ADAM28: variants seen among roughly 807,000 people sequenced by gnomAD.
The protein encoded by ADAM28 is ADAM metallopeptidase domain 28, also known as disintegrin and metalloproteinase domain-containing protein 28.
ADAM28 carries 105 observed loss-of-function variants against 101.2 expected under a neutral mutation model. That is an observed-to-expected ratio of 1.04 (90% CI 0.89 to 1.22). The LOEUF (loss-of-function observed/expected upper bound fraction) is 1.22. Ranked by LOEUF, ADAM28 falls within the 50% of genes most tolerant of loss-of-function variation. The pLI is 0.00. For synonymous variants in ADAM28, 322 were observed against 310.6 expected, an observed-to-expected ratio of 1.04 and a Z score of -0.39; for missense variants, 1,028 against 945.4, an observed-to-expected ratio of 1.09 and a Z score of -1.15.
At chr8:24,353,607 A>G (rs990641925) in intron 21 of ADAM28, among the ~76,000 whole-genome samples, 163 bp from the exon 22 acceptor site, 1 of 152,146 alleles carries the variant, frequency 6.6e-6, no homozygotes, top group Non-Finnish European at 1.5e-5. Flanking sequence ...ACGAATATTC[A>G]TTGGTTGAGT....
At chr8:24,316,529 AAT>A (rs1197171124) in intron 6 of ADAM28, among the ~76,000 whole-genome samples, 1 of 152,018 alleles carries the variant, frequency 6.6e-6, no homozygotes, top group East Asian at 1.9e-4. Context: ...GAAACTCTAA[AAT>A]ATGTCTCAGC....
intron 4 of ADAM28, among the ~76,000 whole-genome samples, chr8:24,310,879 A>C (rs955950589): frequency 1.3e-5 from 2 of 152,226 alleles, no homozygotes; most frequent in Admixed American, 6.5e-5. Flanking sequence ...ATTTTGCTCC[A>C]AATGGAGGCA....
At chr8:24,341,174 A>T (rs146454895) in intron 15 of ADAM28, 17 of 155,172 alleles carry the variant, frequency 1.1e-4, no homozygotes, top group Non-Finnish European at 2.3e-4. Context: ...TTTATCCTCT[A>T]GCTCCATCAT....
chr8:24,336,420 A>G (rs1814065286), intron 14 of ADAM28, among the ~76,000 whole-genome samples: 1 of 151,556 alleles, frequency 6.6e-6, no homozygotes, highest in Non-Finnish European at 1.5e-5. Flanking sequence ...CGTCTCTACT[A>G]AAAATACAAA....
chr8:24,356,716 G>T lies in ADAM28; in HGVS notation c.*2312G>T, dbSNP rs1348156297. 6.6e-6 allele frequency: 1 copy of T among 152,090 alleles called. No individual in the cohort carries two copies. The highest frequency in any genetic ancestry group is 1.5e-5 in the Non-Finnish European group (1 of 68,018). 9.4% of individuals were successfully genotyped at this position (152,090 alleles called of 1,614,324 possible). A position where few individuals can be genotyped will look rare whatever the true frequency, so the allele number is the denominator to read the frequency against. On this transcript the variant is annotated 3_prime_UTR_variant, in exon 23 of 23. Transcript: ENST00000265769. ...TTTGACATTTAACTACCTCAGATATGCCACCAAACCTGTTTTCATCATTAG... is the reference window on the plus strand; with the variant it reads ...TTTGACATTTAACTACCTCAGATATTCCACCAAACCTGTTTTCATCATTAG...
intron 2 of ADAM28, 54 bp from the exon 3 acceptor site, chr8:24,309,840 A>C: frequency 7.8e-7 from 1 of 1,283,696 alleles, no homozygotes; most frequent in Non-Finnish European, 1.1e-6. Flanking sequence ...TAGAAATATA[A>C]TAGTCAAATG....
intron 14 of ADAM28, among the ~76,000 whole-genome samples, chr8:24,338,066 T>A (rs1189215835): frequency 6.6e-6 from 1 of 152,204 alleles, no homozygotes; most frequent in Non-Finnish European, 1.5e-5. Context: ...CAAGTTAGCA[T>A]CATCTTTACG....
chr8:24,326,605 G>A lies in ADAM28; in HGVS notation c.942G>A (p.Met314Ile). ...TGGGTCTTGCATTTATGTCTACAATGTGTTCTCCTTATTCTGTTGGCGTTG... is the reference window on the plus strand; with the variant it reads ...TGGGTCTTGCATTTATGTCTACAATATGTTCTCCTTATTCTGTTGGCGTTG... ...TTVGLAFMST[M>I]CSPYSVGVVQ... Residue 314 changes from methionine (M) to isoleucine (I), a missense_variant, in exon 10 of 23, where the codon ATG (methionine) becomes ATA (isoleucine). Transcript: ENST00000265769. 6.2e-7 allele frequency: 1 copy of A among 1,612,098 alleles called. No individual in the cohort carries two copies. The highest frequency in any genetic ancestry group is 8.5e-7 in the Non-Finnish European group (1 of 1,178,734).
At chr8:24,301,645 G>A (rs1402573930) in intron 2 of ADAM28, among the ~76,000 whole-genome samples, 1 of 152,152 alleles carries the variant, frequency 6.6e-6, no homozygotes, top group Non-Finnish European at 1.5e-5. Context: ...TTCTAGCTAG[G>A]ATTCAAACCT....
intron 10 of ADAM28, 76 bp downstream of exon 10, chr8:24,326,711 C>T: frequency 7.2e-7 from 1 of 1,396,648 alleles, no homozygotes; most frequent in South Asian, 1.3e-5. Flanking sequence ...TAGAGAAGAT[C>T]ATGATAGTTT....
chr8:24,344,349 T>C (rs1347384207), intron 18 of ADAM28, among the ~76,000 whole-genome samples: 1 of 152,170 alleles, frequency 6.6e-6, no homozygotes, highest in Non-Finnish European at 1.5e-5. Flanking sequence ...TCTGATATAG[T>C]GTAGGTATCT....
intron 15 of ADAM28, among the ~76,000 whole-genome samples, chr8:24,340,291 C>A: frequency 6.6e-6 from 1 of 152,048 alleles, no homozygotes; most frequent in Non-Finnish European, 1.5e-5. Context: ...CTATTGGACA[C>A]GAATTTCTCT....
At chr8:24,312,330 AT>A (rs1810575449) in intron 5 of ADAM28, among the ~76,000 whole-genome samples, 2 of 152,142 alleles carry the variant, frequency 1.3e-5, no homozygotes, top group South Asian at 4.1e-4. Flanking sequence ...GTATAATTAG[AT>A]AATCACTTGC....
chr8:24,342,681 C>A (rs968930777), intron 16 of ADAM28, among the ~76,000 whole-genome samples: 6 of 151,972 alleles, frequency 3.9e-5, no homozygotes, highest in East Asian at 3.9e-4. Flanking sequence ...AGTGCTGAAG[C>A]CTTTAAAGAC....
intron 4 of ADAM28, 40 bp downstream of exon 4, chr8:24,310,281 C>T: frequency 6.4e-7 from 1 of 1,574,352 alleles, no homozygotes. Context: ...TAGGGTTTTA[C>T]CCACAGACCT....
chr8:24,326,614 T>C lies in ADAM28; in HGVS notation c.951T>C (p.Pro317=), dbSNP rs1373618517. ...CATTTATGTCTACAATGTGTTCTCC[T>C]TATTCTGTTGGCGTTGTTCAGGTCT... ...GLAFMSTMCS[P]YSVGVVQDHS... The change falls in exon 10 of 23, where the codon CCT becomes CCC. Residue 317 remains proline (P), a synonymous_variant. Transcript: ENST00000265769. The C allele has an allele frequency of 1.2e-6, 2 of 1,612,104 alleles. No homozygotes were observed. Among genetic ancestry groups the C allele is most frequent in the Non-Finnish European group, 1.7e-6 (2 of 1,178,696 alleles).
intron 9 of ADAM28, among the ~76,000 whole-genome samples, chr8:24,325,891 A>AAAAAAAAAAAC (rs1812539205): frequency 6.9e-6 from 1 of 144,212 alleles, no homozygotes; most frequent in Non-Finnish European, 1.5e-5. Context: ...AAAAAAAAAA[A>AAAAAAAAAAAC]AAAAAAAAAC....
chr8:24,333,946 C>T (rs1037591791), intron 13 of ADAM28, among the ~76,000 whole-genome samples: 1 of 152,116 alleles, frequency 6.6e-6, no homozygotes, highest in Admixed American at 6.5e-5. Flanking sequence ...TTTAAATGAT[C>T]TGTAACTGCA....
chr8:24,341,728 G>A lies in ADAM28; in HGVS notation c.1801G>A (p.Ala601Thr), dbSNP rs776270847. 1.2e-6 allele frequency: 2 copies of A among 1,613,638 alleles called. No homozygotes were observed. Among genetic ancestry groups the A allele is most frequent in the African/African-American group, 1.3e-5 (1 of 74,890 alleles). Reference sequence around the variant, plus strand: ...CACAAGTCAAGAAATAGGCATGGTGGCCAATGGAACTAAGTGTGGCGATAA... The same window carrying A: ...CACAAGTCAAGAAATAGGCATGGTGACCAATGGAACTAAGTGTGGCGATAA... ...EDTSQEIGMV[A>T]NGTKCGDNKV... The change falls in exon 16 of 23, where the codon GCC becomes ACC. Residue 601 changes from alanine (A) to threonine (T), a missense_variant. Coordinates refer to ENST00000265769, the MANE Select transcript of ADAM28 (RefSeq NM_014265.6).
Sources: allele counts gnomAD v4.1 joint callset (sites outside exome capture counted in the v4.1 genomes callset), GRCh38; gene constraint gnomAD v4.1.1; transcripts MANE v1.5; gene names NCBI Gene and HGNC (gene_info 2026-07-23, HGNC 2026-07-21).